Variants in SH3KBP1 observed in about 807,000 individuals in gnomAD.
SH3KBP1 encodes SH3 domain containing kinase binding protein 1.
Under a neutral mutation model 50.1 loss-of-function variants are expected in SH3KBP1, and 8 were observed. The observed-to-expected ratio is 0.16, with a 90% CI of 0.09 to 0.29. The LOEUF (loss-of-function observed/expected upper bound fraction) is 0.29. Among genes scored for constraint, SH3KBP1 ranks in the 10% least tolerant of loss-of-function variants. SH3KBP1 has a pLI of 1.00. For missense variants in SH3KBP1, 377 were observed against 535.2 expected, an observed-to-expected ratio of 0.70 and a Z score of 2.92; for synonymous variants, 227 against 218.6, an observed-to-expected ratio of 1.04 and a Z score of -0.34.
intron 9 of SH3KBP1, among the ~76,000 whole-genome samples, chrX:19,597,722 T>C (rs1239656110): frequency 8.9e-6 from 1 of 112,435 alleles, no homozygotes; most frequent in African/African-American, 3.2e-5. Flanking sequence ...TCTGGCAGCA[T>C]AATTCTTAAG....
chrX:19,542,773 C>T (rs1389166951), intron 15 of SH3KBP1, among the ~76,000 whole-genome samples: 1 of 111,918 alleles, frequency 8.9e-6, no homozygotes, highest in Non-Finnish European at 1.9e-5. Flanking sequence ...AGGGAACACG[C>T]CAGGCAAAGG....
At chrX:19,811,380 T>A (rs2067203308) in intron 2 of SH3KBP1, among the ~76,000 whole-genome samples, 1 of 111,465 alleles carries the variant, frequency 9.0e-6, no homozygotes, top group Admixed American at 9.5e-5. Flanking sequence ...CTGTAATGTA[T>A]CTTTTACCAA....
chrX:19,605,593 C>G (rs2067221513), intron 9 of SH3KBP1, among the ~76,000 whole-genome samples: 1 of 111,286 alleles, frequency 9.0e-6, no homozygotes. Context: ...GCCCCCTTGC[C>G]TCCACTCACT....
intron 7 of SH3KBP1, among the ~76,000 whole-genome samples, chrX:19,643,514 G>A (rs1314671813): frequency 9.3e-6 from 1 of 107,639 alleles, no homozygotes; most frequent in Non-Finnish European, 1.9e-5. Context: ...GTGCTAGGAC[G>A]ACAGCTGTGA....
intron 3 of SH3KBP1, among the ~76,000 whole-genome samples, chrX:19,742,347 C>T (rs1056531828): frequency 9.0e-6 from 1 of 110,708 alleles, no homozygotes; most frequent in African/African-American, 3.3e-5. Context: ...GCAATCCTCT[C>T]ACCTCAGCCT....
intron 6 of SH3KBP1, chrX:19,648,133 A>G: frequency 2.7e-6 from 1 of 369,359 alleles, no homozygotes; most frequent in South Asian, 2.4e-5. Context: ...TGTCATTGCT[A>G]CTAAATGACT....
intron 2 of SH3KBP1, among the ~76,000 whole-genome samples, chrX:19,800,058 GAGAC>G (rs2066850640): frequency 9.0e-6 from 1 of 111,246 alleles, no homozygotes; most frequent in South Asian, 3.8e-4. Flanking sequence ...GAGATTATTT[GAGAC>G]AGCTGAAACA....
intron 9 of SH3KBP1, among the ~76,000 whole-genome samples, chrX:19,600,684 A>T (rs1240037806): frequency 1.8e-5 from 2 of 111,519 alleles, no homozygotes; most frequent in African/African-American, 6.5e-5. Flanking sequence ...CAGCTCCTAT[A>T]GGTGCACACC....
intron 2 of SH3KBP1, among the ~76,000 whole-genome samples, chrX:19,750,035 C>T (rs1298778730): frequency 9.0e-6 from 1 of 111,407 alleles, no homozygotes; most frequent in Non-Finnish European, 1.9e-5. Context: ...TGGAACTCAA[C>T]CTGTCTAGCT....
intron 2 of SH3KBP1, among the ~76,000 whole-genome samples, chrX:19,810,433 C>A (rs1471302865): frequency 2.7e-5 from 3 of 112,324 alleles, no homozygotes; most frequent in Non-Finnish European, 3.8e-5. Flanking sequence ...GAATCTGTGG[C>A]TTTAATTATC....
chrX:19,783,362 T>C (rs1401832019), intron 2 of SH3KBP1, among the ~76,000 whole-genome samples: 5 of 112,210 alleles, frequency 4.5e-5, no homozygotes, highest in Non-Finnish European at 7.5e-5. Context: ...AGAATTAGCA[T>C]ATCCATCACC....
intron 2 of SH3KBP1, among the ~76,000 whole-genome samples, chrX:19,821,444 T>C (rs941470440): frequency 8.9e-6 from 1 of 111,934 alleles, no homozygotes; most frequent in African/African-American, 3.2e-5. Flanking sequence ...TGGCCTACTA[T>C]ACATACTCCC....
chrX:19,784,696 A>G (rs775881608), intron 2 of SH3KBP1, among the ~76,000 whole-genome samples: 83 of 110,637 alleles, frequency 7.5e-4, no homozygotes, highest in African/African-American at 2.7e-3. Context: ...TGCAACCTCT[A>G]CCTCCTGGGT....
chrX:19,849,833 A>C (rs1283197588), intron 1 of SH3KBP1, among the ~76,000 whole-genome samples: 1 of 112,067 alleles, frequency 8.9e-6, no homozygotes, highest in Non-Finnish European at 1.9e-5. Context: ...ATGATAAGGA[A>C]ACACTGTTAG....
chrX:19,594,386 A>G (rs753872536), intron 10 of SH3KBP1, among the ~76,000 whole-genome samples: 1 of 112,568 alleles, frequency 8.9e-6, no homozygotes, highest in Admixed American at 9.4e-5. Context: ...ACACAGAAAA[A>G]AAGTGAATTA....
At chrX:19,789,324 G>A (rs1001114734) in intron 2 of SH3KBP1, among the ~76,000 whole-genome samples, 2 of 111,013 alleles carry the variant, frequency 1.8e-5, no homozygotes, top group African/African-American at 6.6e-5. Flanking sequence ...AACTCAGGGT[G>A]TTGTGGTCCC....
At chrX:19,883,517 C>G (rs1803235655) in intron 1 of SH3KBP1, among the ~76,000 whole-genome samples, 1 of 111,701 alleles carries the variant, frequency 9.0e-6, no homozygotes. Flanking sequence ...TTTCCTCCCC[C>G]ACTGCCTCCG....
intron 8 of SH3KBP1, among the ~76,000 whole-genome samples, chrX:19,630,903 C>T (rs2061560681): frequency 8.9e-6 from 1 of 111,820 alleles, no homozygotes; most frequent in African/African-American, 3.3e-5. Flanking sequence ...CAGGTGACAC[C>T]ACAGTCTCCA....
intron 14 of SH3KBP1, among the ~76,000 whole-genome samples, chrX:19,547,974 T>C (rs1302649042): frequency 8.8e-6 from 1 of 113,029 alleles, no homozygotes; most frequent in Non-Finnish European, 1.9e-5. Context: ...TATCCTTTTG[T>C]TTTAAGTCTG....
Sources: gnomAD v4.1 joint callset for allele counts (sites outside exome capture counted in the v4.1 genomes callset) on GRCh38, gnomAD v4.1.1 for gene constraint, MANE v1.5 for transcripts, NCBI Gene and HGNC (gene_info 2026-07-23, HGNC 2026-07-21) for gene names.